The following BCLAF3 variants were observed in gnomAD, a reference collection of about 807,000 sequenced individuals.
The protein encoded by BCLAF3 is BCLAF1 and THRAP3 family member 3.
Under a neutral mutation model 51.2 loss-of-function variants are expected in BCLAF3, and 24 were observed. The observed-to-expected ratio is 0.47, with a 90% CI of 0.34 to 0.66. The LOEUF is 0.66. Ranked by LOEUF, BCLAF3 falls within the 30% of genes least tolerant of loss-of-function variation. The pLI, the probability that BCLAF3 is intolerant of heterozygous loss-of-function variation, is 0.01. For missense variants in BCLAF3, 465 were observed against 525.1 expected (o/e 0.89, Z 1.12); for synonymous variants, 152 against 176.6 (o/e 0.86, Z 1.10).
intron 5 of BCLAF3, chrX:19,954,150 G>A (rs888692985): frequency 6.6e-6 from 5 of 752,228 alleles, no homozygotes; most frequent in Non-Finnish European, 7.8e-6. Context: ...TTGTCCAGGG[G>A]AAAAGACAAT....
intron 11 of BCLAF3, among the ~76,000 whole-genome samples, chrX:19,924,253 G>A (rs1239115621): frequency 9.0e-6 from 1 of 111,139 alleles, no homozygotes; most frequent in Non-Finnish European, 1.9e-5. Flanking sequence ...AGGAGGTAAG[G>A]GCAATCAAGA....
chrX:19,965,523 C>G lies in BCLAF3; in HGVS notation c.795G>C (p.Glu265Asp). The G allele has an allele frequency of 8.3e-7, 1 of 1,205,134 alleles. No individual in the cohort carries two copies. Among genetic ancestry groups the G allele is most frequent in the Non-Finnish European group, 1.1e-6 (1 of 892,823 alleles). The change falls in exon 4 of 12, where the codon GAG (glutamate) becomes GAC (aspartate). Residue 265 changes from glutamate (E) to aspartate (D), a missense_variant. Glu to Asp is a conservative substitution (Grantham distance 45). Coordinates refer to ENST00000379682, the MANE Select transcript of BCLAF3 (RefSeq NM_001367774.2). ...NLGPQTYRHA[E>D]REHPETSSAT... Reference sequence around the variant, plus strand: ...CTGAACTGGTCTCTGGGTGTTCCCTCTCAGCATGTCGATAAGTTTGGGGCC... The same window carrying G: ...CTGAACTGGTCTCTGGGTGTTCCCTGTCAGCATGTCGATAAGTTTGGGGCC...
At chrX:19,925,769 G>A (rs1165744817) in intron 11 of BCLAF3, among the ~76,000 whole-genome samples, 1 of 111,796 alleles carries the variant, frequency 8.9e-6, no homozygotes, top group Non-Finnish European at 1.9e-5. Context: ...TTGAAGGCAC[G>A]AAGGCCTGAG....
Position 19,965,648 on chromosome X carries a change from C to G in BCLAF3, c.670G>C (p.Val224Leu). The G allele has an allele frequency of 8.7e-7, 1 of 1,150,345 alleles. No homozygotes were observed. The highest frequency in any genetic ancestry group is 1.2e-6 in the Non-Finnish European group (1 of 868,944). 94.8% of individuals were successfully genotyped at this position (1,150,345 alleles called of 1,213,427 possible). A position where few individuals can be genotyped will look rare whatever the true frequency, so the allele number is the denominator to read the frequency against. ...GGCTCTCTGCTTTCATACCTCTCCA[C>G]GTCTTTAGGTCTTTTTGATGTGTGT... The part of the protein sequence containing the change: ...YGHTSKRPKD[V>L]ERYESREPAR... The change falls in exon 4 of 12, where the codon GTG becomes CTG. Residue 224 changes from valine to leucine, a missense_variant. Physicochemically the swap from Val to Leu is conservative, Grantham distance 32. Coordinates refer to ENST00000379682, the MANE Select transcript of BCLAF3 (RefSeq NM_001367774.2).
intron 8 of BCLAF3, 70 bp from the exon 9 acceptor site, chrX:19,937,602 T>C: frequency 3.4e-6 from 2 of 582,213 alleles, no homozygotes; most frequent in South Asian, 3.4e-5. Context: ...TAAACAAGAA[T>C]AATTTTAAAA....
chrX:19,957,192 A>C (rs943500912), intron 4 of BCLAF3, among the ~76,000 whole-genome samples: 25 of 111,735 alleles, frequency 2.2e-4, no homozygotes, highest in Non-Finnish European at 1.5e-4. Context: ...TTGATTCATT[A>C]GAAGGACTTT....
chrX:19,940,632 G>A (rs1183026567), intron 8 of BCLAF3, among the ~76,000 whole-genome samples: 2 of 109,292 alleles, frequency 1.8e-5, no homozygotes, highest in African/African-American at 6.7e-5. Context: ...AGTATTCCAT[G>A]GTGTATATGT....
At chrX:19,922,670 G>T (rs752324998) in intron 11 of BCLAF3, among the ~76,000 whole-genome samples, 1 of 111,491 alleles carries the variant, frequency 9.0e-6, no homozygotes, top group South Asian at 3.7e-4. Flanking sequence ...GGCTGAGGTG[G>T]GCAGATCACT....
At chrX:19,964,555 C>T (rs868263633) in intron 4 of BCLAF3, among the ~76,000 whole-genome samples, 3 of 109,803 alleles carry the variant, frequency 2.7e-5, no homozygotes, top group African/African-American at 9.9e-5. Context: ...GATTTGAGCC[C>T]GAGCCACTCT....
intron 1 of BCLAF3, among the ~76,000 whole-genome samples, chrX:19,985,463 G>A (rs998925350): frequency 9.1e-6 from 1 of 110,280 alleles, no homozygotes; most frequent in African/African-American, 3.3e-5. Context: ...GCACACGCCT[G>A]TAGTCCTAGC....
chrX:19,932,465 C>T (rs1346020186), intron 10 of BCLAF3, among the ~76,000 whole-genome samples: 1 of 107,187 alleles, frequency 9.3e-6, no homozygotes, highest in Non-Finnish European at 1.9e-5. Flanking sequence ...AAGCACATTT[C>T]GTTTATAGAA....
intron 10 of BCLAF3, 38 bp from the exon 11 acceptor site, chrX:19,929,978 C>T: frequency 8.4e-7 from 1 of 1,183,819 alleles, no homozygotes; most frequent in Non-Finnish European, 1.1e-6. Flanking sequence ...GCTAAAACTA[C>T]ACCTTCCAAG....
At chrX:19,939,700 C>T (rs1462139029) in intron 8 of BCLAF3, among the ~76,000 whole-genome samples, 2 of 112,002 alleles carry the variant, frequency 1.8e-5, no homozygotes, top group Non-Finnish European at 3.8e-5. Context: ...AAATGTAGTA[C>T]AGCCATACAA....
At chrX:19,924,663 G>A (rs1242314073) in intron 11 of BCLAF3, among the ~76,000 whole-genome samples, 1 of 111,392 alleles carries the variant, frequency 9.0e-6, no homozygotes, top group Non-Finnish European at 1.9e-5. Flanking sequence ...CAGAGCTCTG[G>A]TAAGCACCAC....
chrX:19,928,121 G>T (rs994719635), intron 11 of BCLAF3, among the ~76,000 whole-genome samples: 3 of 105,357 alleles, frequency 2.8e-5, no homozygotes, highest in Non-Finnish European at 5.9e-5. Flanking sequence ...GGGCTCAAGC[G>T]ATCCTCTCTC....
At chrX:19,967,226 T>C (rs925694601) in intron 2 of BCLAF3, among the ~76,000 whole-genome samples, 6 of 111,917 alleles carry the variant, frequency 5.4e-5, no homozygotes, top group Admixed American at 9.5e-5. Flanking sequence ...ACTAAGGCTG[T>C]ATCAAGGAAC....
intron 8 of BCLAF3, among the ~76,000 whole-genome samples, chrX:19,938,645 C>T (rs940161937): frequency 8.9e-6 from 1 of 112,653 alleles, no homozygotes; most frequent in African/African-American, 3.2e-5. Flanking sequence ...AATCCATCCA[C>T]CTTGGCCTCC....
At chrX:19,952,246 C>T (rs2071511658) in intron 7 of BCLAF3, among the ~76,000 whole-genome samples, 1 of 111,506 alleles carries the variant, frequency 9.0e-6, no homozygotes, top group South Asian at 3.7e-4. Flanking sequence ...ATAAGTTCAG[C>T]AAAAATTATA....
chrX:19,986,080 C>T (rs1195794671), intron 1 of BCLAF3, among the ~76,000 whole-genome samples: 1 of 110,303 alleles, frequency 9.1e-6, no homozygotes, highest in Non-Finnish European at 1.9e-5. Flanking sequence ...AATAGATAAA[C>T]CATTAGATAA....
Sources: gnomAD v4.1 joint callset for allele counts (sites outside exome capture counted in the v4.1 genomes callset) on GRCh38, gnomAD v4.1.1 for gene constraint, MANE v1.5 for transcripts, NCBI Gene and HGNC (gene_info 2026-07-23, HGNC 2026-07-21) for gene names.